The following KIAA0232 variants were observed in gnomAD, a reference collection of about 807,000 sequenced individuals.
KIAA0232 encodes the protein uncharacterized protein KIAA0232.
In KIAA0232, 27 loss-of-function variants were observed where a neutral mutation model predicts 122.0. The observed-to-expected ratio is 0.22, with a 90% CI of 0.16 to 0.31. The LOEUF is 0.31. Among genes scored for constraint, KIAA0232 ranks in the 10% least tolerant of loss-of-function variants. The pLI is 1.00. For missense variants in KIAA0232, 1,551 were observed against 1,634.2 expected, an observed-to-expected ratio of 0.95 and a Z score of 0.88; for synonymous variants, 613 against 587.6, an observed-to-expected ratio of 1.04 and a Z score of -0.63.
intron 1 of KIAA0232, among the ~76,000 whole-genome samples, chr4:6,786,357 C>T (rs900169570): frequency 6.6e-6 from 1 of 152,160 alleles, no homozygotes; most frequent in Non-Finnish European, 1.5e-5. Context: ...GCTTGGAGTG[C>T]GGTGGTGTGA....
rs78301894 is a variant in KIAA0232, at chr4:6,842,357, T to G, written c.369+153T>G. 1.3e-3 allele frequency among the ~76,000 whole-genome samples: 199 copies of G among 152,284 alleles called. 9 individuals are homozygous for G. The East Asian group carries it at 0.036, about 28-fold the overall frequency. On this transcript the variant is annotated intron_variant, in intron 4 of 9. Coordinates refer to ENST00000307659, the MANE Select transcript of KIAA0232 (RefSeq NM_014743.3). ...GAACATTACCACTTTTCCTTTATGG[T>G]ATTTTTCTATATTTTCTGAAGTTTT...
chr4:6,874,160 G>A (rs560281393), intron 8 of KIAA0232, among the ~76,000 whole-genome samples: 13 of 152,316 alleles, frequency 8.5e-5, no homozygotes, highest in South Asian at 2.1e-4. Context: ...GCCTTGCTGC[G>A]CATTCATATG....
At chr4:6,833,553 C>T (rs1719106582) in intron 3 of KIAA0232, among the ~76,000 whole-genome samples, 1 of 151,836 alleles carries the variant, frequency 6.6e-6, no homozygotes, top group Non-Finnish European at 1.5e-5. Context: ...TCACCTGAGC[C>T]CAGGGAGGTC....
intron 2 of KIAA0232, among the ~76,000 whole-genome samples, chr4:6,806,450 T>A (rs868061367): frequency 6.6e-6 from 1 of 151,886 alleles, no homozygotes; most frequent in Non-Finnish European, 1.5e-5. Context: ...AACAAAACAA[T>A]AAGAGGCCTG....
intron 2 of KIAA0232, among the ~76,000 whole-genome samples, chr4:6,819,799 A>G (rs753511426): frequency 6.6e-6 from 1 of 152,210 alleles, no homozygotes; most frequent in African/African-American, 2.4e-5. Flanking sequence ...ATGTACTCAT[A>G]TGTTCATCAC....
At chr4:6,816,138 T>C (rs181690505) in intron 2 of KIAA0232, among the ~76,000 whole-genome samples, 126 of 152,314 alleles carry the variant, frequency 8.3e-4, no homozygotes, top group Admixed American at 3.7e-3. Flanking sequence ...TAGACAATTG[T>C]GTAGAACAGC....
intron 3 of KIAA0232, 137 bp downstream of exon 3, chr4:6,824,821 TG>T: frequency 1.4e-6 from 1 of 719,200 alleles, no homozygotes. Context: ...AGTGACCAGA[TG>T]GTAAGATTGC....
intron 2 of KIAA0232, among the ~76,000 whole-genome samples, chr4:6,818,399 C>CAAAA (rs34255308): frequency 2.0e-4 from 16 of 81,904 alleles, no homozygotes; most frequent in Non-Finnish European, 3.7e-4. Flanking sequence ...GACTCCGTCT[C>CAAAA]AAAAAAAAAA....
In KIAA0232 at chr4:6,835,085, T is replaced by C. The variant is rs117925477; in HGVS notation, c.232-6982T>C. Reference sequence around the variant, plus strand: ...ACAGGCTGAGCTGGAAGGCCCAAGATAGCTTTACTGACATGTCTGTCATCT... The same window carrying C: ...ACAGGCTGAGCTGGAAGGCCCAAGACAGCTTTACTGACATGTCTGTCATCT... On this transcript the variant is annotated intron_variant, in intron 3 of 9. Transcript: ENST00000307659. 1.2e-3 allele frequency among the ~76,000 whole-genome samples: 179 copies of C among 152,312 alleles called. 3 individuals carry two copies. The East Asian group carries it at 0.03, about 25-fold the overall frequency.
At chr4:6,879,283 A>C (rs1168668840) in intron 9 of KIAA0232, among the ~76,000 whole-genome samples, 2 of 152,158 alleles carry the variant, frequency 1.3e-5, no homozygotes, top group Non-Finnish European at 2.9e-5. Flanking sequence ...CCTGTTCTGC[A>C]AAATAGGAAA....
intron 1 of KIAA0232, among the ~76,000 whole-genome samples, chr4:6,784,053 C>T (rs1365437036): frequency 6.6e-6 from 1 of 152,040 alleles, no homozygotes; most frequent in East Asian, 1.9e-4. Flanking sequence ...TCTTTTTTGC[C>T]ACCTTTCCGT....
chr4:6,849,974 C>T (rs1275689032), intron 4 of KIAA0232, among the ~76,000 whole-genome samples: 2 of 151,960 alleles, frequency 1.3e-5, no homozygotes, highest in African/African-American at 2.4e-5. Context: ...AAGAAATAGC[C>T]CATTTTCTTT....
chr4:6,789,592 G>T (rs958694850), intron 1 of KIAA0232, among the ~76,000 whole-genome samples: 2 of 152,080 alleles, frequency 1.3e-5, no homozygotes, highest in Admixed American at 1.3e-4. Flanking sequence ...TTTTCAACTT[G>T]CATCTACGTT....
At chr4:6,833,097 T>C (rs1719078213) in intron 3 of KIAA0232, among the ~76,000 whole-genome samples, 1 of 152,232 alleles carries the variant, frequency 6.6e-6, no homozygotes, top group South Asian at 2.1e-4. Flanking sequence ...ATTACGCTTC[T>C]TGAAAAGCTA....
rs555963102 is a variant in KIAA0232 at position 6,789,925 on chromosome 4, A to C, written c.-354+7084A>C. 5.3e-5 allele frequency among the ~76,000 whole-genome samples: 8 copies of C among 152,184 alleles called. No homozygotes were observed. The East Asian group carries it at 1.5e-3, about 29-fold the overall frequency. On this transcript the variant is annotated intron_variant, in intron 1 of 9. Coordinates refer to ENST00000307659, the MANE Select transcript of KIAA0232 (RefSeq NM_014743.3). Reference sequence around the variant, plus strand: ...ATGTCTGTAGTCCCAGCTACTTAGGAGGCTGAGGCAGGAGGATCGCTTGAG... The same window carrying C: ...ATGTCTGTAGTCCCAGCTACTTAGGCGGCTGAGGCAGGAGGATCGCTTGAG...
chr4:6,828,520 A>T (rs1201072404), intron 3 of KIAA0232, among the ~76,000 whole-genome samples: 1 of 152,236 alleles, frequency 6.6e-6, no homozygotes, highest in Non-Finnish European at 1.5e-5. Context: ...GATATATAAT[A>T]GTTGTACATA....
chr4:6,812,948 T>G (rs548831973), intron 2 of KIAA0232, among the ~76,000 whole-genome samples: 1 of 152,276 alleles, frequency 6.6e-6, no homozygotes, highest in South Asian at 2.1e-4. Flanking sequence ...TTATTTACAG[T>G]GTATTACAAA....
intron 4 of KIAA0232, among the ~76,000 whole-genome samples, chr4:6,850,772 G>A (rs1720235715): frequency 6.6e-6 from 1 of 151,910 alleles, no homozygotes; most frequent in African/African-American, 2.4e-5. Context: ...CTGGGTTCAA[G>A]CGATTCTCTG....
At chr4:6,870,554 G>A (rs1721421916) in intron 7 of KIAA0232, among the ~76,000 whole-genome samples, 1 of 152,240 alleles carries the variant, frequency 6.6e-6, no homozygotes, top group African/African-American at 2.4e-5. Flanking sequence ...TGTAATCCCA[G>A]CACTTTGGGA....
Sources: allele counts gnomAD v4.1 joint callset (sites outside exome capture counted in the v4.1 genomes callset), GRCh38; gene constraint gnomAD v4.1.1; transcripts MANE v1.5; gene names NCBI Gene and HGNC (gene_info 2026-07-23, HGNC 2026-07-21).